The following DLGAP2 variants were observed in gnomAD, a reference collection of about 807,000 sequenced individuals.
The protein encoded by DLGAP2 is DLG associated protein 2.
A neutral mutation model predicts 100.3 loss-of-function variants in DLGAP2; 26 were observed. The observed-to-expected ratio is 0.26, with a 90% CI of 0.19 to 0.36. The LOEUF (loss-of-function observed/expected upper bound fraction) is 0.36, where lower values mean the gene tolerates loss of function less well. DLGAP2 is among the 10% of genes least tolerant of loss of function. The pLI, the probability that DLGAP2 is intolerant of heterozygous loss-of-function variation, is 1.00. For missense variants in DLGAP2, 1,858 were observed against 1,453.2 expected, an observed-to-expected ratio of 1.28 and a Z score of -4.53; for synonymous variants, 886 against 630.1, an observed-to-expected ratio of 1.41 and a Z score of -6.08.
chr8:1,683,459 C>T (rs898317185), intron 12 of DLGAP2, among the ~76,000 whole-genome samples: 1 of 151,442 alleles, frequency 6.6e-6, no homozygotes, highest in African/African-American at 2.4e-5. Flanking sequence ...CCTTCTGTGG[C>T]CGGGGCATTC....
At chr8:1,254,987 T>A (rs116139127) in intron 2 of DLGAP2, among the ~76,000 whole-genome samples, 2,528 of 124,568 alleles carry the variant, frequency 0.02, 181 homozygotes, top group African/African-American at 0.078. Context: ...GGGTGCTGTG[T>A]GTGTGTCCTC....
At chr8:1,490,716 TG>T (rs1282182394) in intron 3 of DLGAP2, among the ~76,000 whole-genome samples, 1 of 152,160 alleles carries the variant, frequency 6.6e-6, no homozygotes, top group African/African-American at 2.4e-5. Flanking sequence ...TGAACTGACC[TG>T]GGCCCCACAC....
At chr8:1,546,825 G>A (rs924563976) in intron 4 of DLGAP2, among the ~76,000 whole-genome samples, 2 of 152,142 alleles carry the variant, frequency 1.3e-5, no homozygotes, top group African/African-American at 4.8e-5. Context: ...AGACGCTTAT[G>A]GTGACGGGAG....
chr8:1,677,954 G>A (rs542726497), intron 11 of DLGAP2, among the ~76,000 whole-genome samples: 1 of 152,350 alleles, frequency 6.6e-6, no homozygotes, highest in East Asian at 1.9e-4. Flanking sequence ...AACTCTCATT[G>A]TATCATTCAA....
At chr8:1,539,694 T>C (rs1801292562) in intron 4 of DLGAP2, among the ~76,000 whole-genome samples, 1 of 151,474 alleles carries the variant, frequency 6.6e-6, no homozygotes, top group Middle Eastern at 3.2e-3. Flanking sequence ...ACTTTCCTGT[T>C]TGGAGGATGC....
At chr8:1,107,963 C>G (rs1050719970) in intron 2 of DLGAP2, among the ~76,000 whole-genome samples, 2 of 152,170 alleles carry the variant, frequency 1.3e-5, no homozygotes, top group Non-Finnish European at 2.9e-5. Context: ...CTCAGCTTTC[C>G]TTCCTGAAGC....
intron 1 of DLGAP2, among the ~76,000 whole-genome samples, chr8:776,407 T>G (rs1233906866): frequency 6.6e-6 from 1 of 152,132 alleles, no homozygotes. Flanking sequence ...TGAATGTGTT[T>G]GCTCTTGCTT....
At chr8:845,662 A>G (rs1270369107) in intron 1 of DLGAP2, among the ~76,000 whole-genome samples, 3 of 152,182 alleles carry the variant, frequency 2.0e-5, no homozygotes, top group Admixed American at 6.5e-5. Flanking sequence ...GATGTTTTAA[A>G]TTTTGATGAT....
chr8:1,529,675 A>G (rs1800919354), intron 4 of DLGAP2, among the ~76,000 whole-genome samples: 1 of 152,254 alleles, frequency 6.6e-6, no homozygotes, highest in South Asian at 2.1e-4. Flanking sequence ...AGCTTGAACA[A>G]TGTGAAAAAA....
At chr8:1,273,573 C>T (rs1454212066) in intron 3 of DLGAP2, among the ~76,000 whole-genome samples, 1 of 152,190 alleles carries the variant, frequency 6.6e-6, no homozygotes, top group Non-Finnish European at 1.5e-5. Flanking sequence ...TCAGACGTGC[C>T]GTGACGGCTT....
At chr8:1,478,116 G>C (rs1798986135) in intron 3 of DLGAP2, among the ~76,000 whole-genome samples, 1 of 152,190 alleles carries the variant, frequency 6.6e-6, no homozygotes, top group Non-Finnish European at 1.5e-5. Flanking sequence ...CTTAACTGCT[G>C]CTAATTAATG....
chr8:964,296 G>T (rs74591197), intron 2 of DLGAP2, among the ~76,000 whole-genome samples: 1,816 of 152,236 alleles, frequency 0.012, 41 homozygotes, highest in African/African-American at 0.042. Context: ...CTTCACAGAG[G>T]GCTATTCCCG....
intron 12 of DLGAP2, among the ~76,000 whole-genome samples, chr8:1,682,676 G>C (rs1005656294): frequency 6.6e-6 from 1 of 151,378 alleles, no homozygotes; most frequent in Non-Finnish European, 1.5e-5. Context: ...GTTTCACCAT[G>C]TTGGCCAGGA....
intron 5 of DLGAP2, among the ~76,000 whole-genome samples, chr8:1,562,720 C>T (rs59643324): frequency 7.2e-4 from 14 of 19,412 alleles, no homozygotes; most frequent in Non-Finnish European, 8.7e-4. Flanking sequence ...GGGGTGTCCG[C>T]GCCTCGTTAC....
At chr8:1,434,097 C>T (rs1402761505) in intron 3 of DLGAP2, among the ~76,000 whole-genome samples, 2 of 152,118 alleles carry the variant, frequency 1.3e-5, no homozygotes, top group East Asian at 1.9e-4. Flanking sequence ...GGCGTGGCTG[C>T]TTTGCAGGTG....
At chr8:1,152,607 AGGGGAGGTTT>A (rs1363635110) in intron 2 of DLGAP2, among the ~76,000 whole-genome samples, 1 of 152,168 alleles carries the variant, frequency 6.6e-6, no homozygotes, top group Non-Finnish European at 1.5e-5. Flanking sequence ...GGGGCCCAGC[AGGGGAGGTTT>A]GGGGAGGGAA....
At chr8:895,440 T>A (rs888133250) in intron 1 of DLGAP2, among the ~76,000 whole-genome samples, 22 of 152,312 alleles carry the variant, frequency 1.4e-4, no homozygotes, top group African/African-American at 5.3e-4. Context: ...AGCAGGGGGC[T>A]GTCGGTCTCT....
chr8:1,641,722 A>T (rs7015110), intron 8 of DLGAP2, among the ~76,000 whole-genome samples: 37,988 of 152,082 alleles, frequency 0.25, 4,970 homozygotes, highest in Middle Eastern at 0.4. Flanking sequence ...AGGATTCCTA[A>T]TTGGTCATTT....
chr8:958,039 G>A (rs989341761), intron 2 of DLGAP2, among the ~76,000 whole-genome samples: 8 of 151,988 alleles, frequency 5.3e-5, no homozygotes, highest in African/African-American at 1.7e-4. Flanking sequence ...AGCAGCCCTC[G>A]CTAACCCACC....
Sources: allele counts gnomAD v4.1 joint callset (sites outside exome capture counted in the v4.1 genomes callset), GRCh38; gene constraint gnomAD v4.1.1; transcripts MANE v1.5; gene names NCBI Gene and HGNC (gene_info 2026-07-23, HGNC 2026-07-21).